PTPN14: variants seen among roughly 807,000 people sequenced by gnomAD.
PTPN14 encodes the protein protein tyrosine phosphatase non-receptor type 14, also known as tyrosine-protein phosphatase non-receptor type 14.
A neutral mutation model predicts 126.8 loss-of-function variants in PTPN14; 53 were observed. That is an observed-to-expected ratio of 0.42 (90% CI 0.34 to 0.53). The LOEUF is 0.53. PTPN14 is among the 20% of genes least tolerant of loss of function. PTPN14 has a pLI of 0.08. For synonymous variants in PTPN14, 630 were observed against 599.3 expected (o/e 1.05, Z -0.75); for missense variants, 1,257 against 1,552.9 (o/e 0.81, Z 3.20).
intron 1 of PTPN14, among the ~76,000 whole-genome samples, chr1:214,545,611 C>G (rs1655950839): frequency 6.6e-6 from 1 of 152,034 alleles, no homozygotes; most frequent in South Asian, 2.1e-4. Flanking sequence ...GGGAAAGGAG[C>G]AAATGGAAAA....
intron 18 of PTPN14, among the ~76,000 whole-genome samples, chr1:214,362,082 C>T (rs895284873): frequency 6.6e-6 from 1 of 152,148 alleles, no homozygotes; most frequent in East Asian, 1.9e-4. Context: ...AAAATGGTCC[C>T]ACAATTTAAT....
intron 1 of PTPN14, among the ~76,000 whole-genome samples, chr1:214,546,002 C>T (rs1214835441): frequency 6.6e-6 from 1 of 152,094 alleles, no homozygotes; most frequent in African/African-American, 2.4e-5. Context: ...GCTAGGGATA[C>T]GAGGCCATTA....
At chr1:214,372,882 G>C (rs1658252401) in intron 15 of PTPN14, 43 bp from the exon 16 acceptor site, 1 of 1,608,996 alleles carries the variant, frequency 6.2e-7, no homozygotes, top group South Asian at 1.1e-5. Flanking sequence ...CCCAAGTCCG[G>C]ACAACATTAC....
intron 1 of PTPN14, among the ~76,000 whole-genome samples, chr1:214,469,356 GAATACCTCTGC>G (rs2102658829): frequency 6.6e-6 from 1 of 152,240 alleles, no homozygotes; most frequent in East Asian, 1.9e-4. Flanking sequence ...TGTCCAATAG[GAATACCTCTGC>G]TTTGTCATTA....
intron 3 of PTPN14, among the ~76,000 whole-genome samples, chr1:214,427,407 A>G (rs1659693286): frequency 6.6e-6 from 1 of 152,210 alleles, no homozygotes; most frequent in South Asian, 2.1e-4. Context: ...AGATTCTATT[A>G]AATTAGTATA....
chr1:214,447,798 T>C (rs1048367494), intron 3 of PTPN14, among the ~76,000 whole-genome samples: 1 of 152,240 alleles, frequency 6.6e-6, no homozygotes, highest in Non-Finnish European at 1.5e-5. Flanking sequence ...GAAATCTACA[T>C]AATTTAGTTC....
intron 1 of PTPN14, among the ~76,000 whole-genome samples, chr1:214,510,308 G>A (rs115649455): frequency 5.9e-5 from 9 of 152,182 alleles, no homozygotes; most frequent in East Asian, 1.9e-4. Context: ...TAATGAAAGC[G>A]TCTGACATAT....
chr1:214,541,946 T>C (rs1655847398), intron 1 of PTPN14, among the ~76,000 whole-genome samples: 1 of 152,190 alleles, frequency 6.6e-6, no homozygotes, highest in South Asian at 2.1e-4. Flanking sequence ...AGTTTTTAAA[T>C]GAAATATTTT....
In PTPN14 at chr1:214,384,889, T is replaced by C; in HGVS notation, c.1067-101A>G. ...GGTGACTTTTAATTTAAACAAATCA[T>C]AAAAAGTGAAATCCCATGGTCTCCA... On this transcript the variant is annotated intron_variant, in intron 12 of 18. Transcript: ENST00000366956. The surrounding 1 kb of genome is among the most constrained non-coding windows in gnomAD (Gnocchi z 5.3). 2.2e-6 allele frequency: 3 copies of C among 1,387,992 alleles called. No homozygotes were observed. Among genetic ancestry groups the C allele is most frequent in the Non-Finnish European group, 2.9e-6 (3 of 1,028,148 alleles). The allele number at this position is 1,387,992 out of a possible 1,614,324, so 86.0% of individuals were successfully genotyped here. A position where few individuals can be genotyped will look rare whatever the true frequency, so the allele number is the denominator to read the frequency against.
At chr1:214,410,022 T>C (rs1370501382) in intron 5 of PTPN14, among the ~76,000 whole-genome samples, 1 of 152,194 alleles carries the variant, frequency 6.6e-6, no homozygotes, top group East Asian at 1.9e-4. Flanking sequence ...GTTGAGTAGT[T>C]TGAGTTCCTT....
rs1330354106 is a variant in PTPN14 at position 214,351,873 on chromosome 1, T to C, written c.*6049A>G. Reference sequence around the variant, plus strand: ...GGCATTCCAGAGTTCAGAAAATTATTTGTGAAACAGAGAACTTTTGGATAG... The same window carrying C: ...GGCATTCCAGAGTTCAGAAAATTATCTGTGAAACAGAGAACTTTTGGATAG... On this transcript the variant is annotated 3_prime_UTR_variant, in exon 19 of 19. Transcript: ENST00000366956. The C allele has an allele frequency of 6.6e-6, 1 of 152,206 alleles. No individual in the cohort carries two copies. Among genetic ancestry groups the C allele is most frequent in the African/African-American group, 2.4e-5 (1 of 41,446 alleles). 9.4% of individuals were successfully genotyped at this position (152,206 alleles called of 1,614,324 possible). A position where few individuals can be genotyped will look rare whatever the true frequency, so the allele number is the denominator to read the frequency against.
chr1:214,365,570 T>C (rs892887208), intron 17 of PTPN14, among the ~76,000 whole-genome samples: 1 of 152,156 alleles, frequency 6.6e-6, no homozygotes, highest in African/African-American at 2.4e-5. Flanking sequence ...GTGAACCTCA[T>C]CCTAAGGCAA....
At chr1:214,449,011 C>CTTTTTTTTTCTTTTTT (rs1660211311) in intron 3 of PTPN14, among the ~76,000 whole-genome samples, 1 of 112,440 alleles carries the variant, frequency 8.9e-6, no homozygotes, top group Admixed American at 1.0e-4. Flanking sequence ...CTTAATTTTT[C>CTTTTTTTTTCTTTTTT]TTTTTTTTTT....
intron 3 of PTPN14, among the ~76,000 whole-genome samples, chr1:214,426,336 T>C (rs1033143454): frequency 6.6e-6 from 1 of 152,146 alleles, no homozygotes; most frequent in Admixed American, 6.5e-5. Context: ...CTACAATTCT[T>C]CCTTTCAAAC....
Position 214,353,861 on chromosome 1 carries a change from G to C in PTPN14, c.*4061C>G, listed in dbSNP as rs895020108. The C allele has an allele frequency of 6.6e-6, 1 of 152,264 alleles. No individual in the cohort carries two copies. Among genetic ancestry groups the C allele is most frequent in the Admixed American group, 6.5e-5 (1 of 15,284 alleles). The allele number at this position is 152,264 out of a possible 1,614,324, so 9.4% of individuals were successfully genotyped here. On this transcript the variant is annotated 3_prime_UTR_variant, in exon 19 of 19. Coordinates refer to ENST00000366956, the MANE Select transcript of PTPN14 (RefSeq NM_005401.5). ...CTGCTCTGGAGAAATGACATCTGGT[G>C]TTGGGACCCACAGTGTATCAGGGGG...
intron 3 of PTPN14, among the ~76,000 whole-genome samples, chr1:214,440,238 A>T (rs535749264): frequency 1.3e-5 from 2 of 152,318 alleles, no homozygotes; most frequent in East Asian, 3.9e-4. Context: ...AAACAAAGCA[A>T]CTGGTCTCTG....
chr1:214,482,561 C>T (rs879079621), intron 1 of PTPN14, among the ~76,000 whole-genome samples: 3 of 120,582 alleles, frequency 2.5e-5, no homozygotes, highest in Non-Finnish European at 3.4e-5. Flanking sequence ...GATGGGCACC[C>T]GAATGCAGTT....
At chr1:214,473,675 A>G (rs772440804) in intron 1 of PTPN14, among the ~76,000 whole-genome samples, 6 of 152,240 alleles carry the variant, frequency 3.9e-5, no homozygotes, top group African/African-American at 7.2e-5. Flanking sequence ...GGCACAGCTC[A>G]GTTTTGATAG....
chr1:214,481,430 G>A lies in PTPN14; in HGVS notation c.-154-16473C>T, dbSNP rs1376451230. Among the ~76,000 whole-genome samples, 8 of 136,082 alleles carry A rather than the reference G, an allele frequency of 5.9e-5. No homozygotes were observed. The East Asian group carries it at 6.6e-4, about 11-fold the overall frequency. The allele number at this position is 136,082 out of a possible 152,430, so 89.3% of individuals were successfully genotyped here. A position where few individuals can be genotyped will look rare whatever the true frequency, so the allele number is the denominator to read the frequency against. On this transcript the variant is annotated intron_variant, in intron 1 of 18. Coordinates refer to ENST00000366956, the MANE Select transcript of PTPN14 (RefSeq NM_005401.5). The stretch of plus-strand genomic sequence containing the variant: ...GGAGGCTGAGGCAGGAGAATTGCTC[G>A]AACCTGGGAGGCCAAGGTTGCTGTG...
Sources: gnomAD v4.1 joint callset for allele counts (sites outside exome capture counted in the v4.1 genomes callset) on GRCh38, gnomAD v4.1.1 for gene constraint, Gnocchi (gnomAD v3.1) non-coding constraint, MANE v1.5 for transcripts, NCBI Gene and HGNC (gene_info 2026-07-23, HGNC 2026-07-21) for gene names.